The following MAP3K7CL variants were observed in gnomAD, a reference collection of about 807,000 sequenced individuals.
MAP3K7CL encodes MAP3K7 C-terminal-like protein.
MAP3K7CL carries 16 observed loss-of-function variants against 18.6 expected under a neutral mutation model. The observed-to-expected ratio is 0.86, with a 90% CI of 0.58 to 1.31. MAP3K7CL has a LOEUF of 1.31. MAP3K7CL is among the 50% of genes most tolerant of loss of function. The probability of loss-of-function intolerance (pLI) is 0.00; values close to 1 mark genes in which losing one functional copy is unlikely to be tolerated. For missense variants in MAP3K7CL, 163 were observed against 174.4 expected (o/e 0.93, Z 0.37); for synonymous variants, 65 against 66.8 (o/e 0.97, Z 0.13).
chr21:29,137,770 G>C (rs1370521672), intron 2 of MAP3K7CL, among the ~76,000 whole-genome samples: 1 of 152,114 alleles, frequency 6.6e-6, no homozygotes, highest in Non-Finnish European at 1.5e-5. Flanking sequence ...GTACTGTTTA[G>C]ATAGCAATAG....
chr21:29,093,902 G>GA (rs532866749), intron 4 of MAP3K7CL, among the ~76,000 whole-genome samples: 103 of 152,328 alleles, frequency 6.8e-4, no homozygotes, highest in African/African-American at 2.4e-3. Context: ...TGAGAATGAT[G>GA]ATAATTACCC....
intron 4 of MAP3K7CL, chr21:29,109,628 A>G: frequency 1.0e-6 from 1 of 996,690 alleles, no homozygotes; most frequent in Non-Finnish European, 1.2e-6. Context: ...CAGAGTTGAT[A>G]TAGTAATGAT....
rs34749282 is a variant in MAP3K7CL at position 29,100,700 on chromosome 21, C to CTTT, written c.370+8144_370+8146dup. On this transcript the variant is annotated intron_variant, in intron 4 of 6. Coordinates refer to the MAP3K7CL transcript ENST00000286791. ...AACATTAGCAGCTTAAAACAGCAAA[C>CTTT]TTTTTTTTTTTTTTTTTTTTTTTTT... Among the ~76,000 whole-genome samples the CTTT allele has an allele frequency of 3.8e-4, 26 of 68,682 alleles. 1 individual carries two copies. Among genetic ancestry groups the CTTT allele is most frequent in the East Asian group, 1.8e-3 (4 of 2,278 alleles). The allele number at this position is 68,682 out of a possible 152,430, so 45.1% of individuals were successfully genotyped here.
chr21:29,124,949 C>T (rs930345463), intron 4 of MAP3K7CL, among the ~76,000 whole-genome samples: 1 of 151,992 alleles, frequency 6.6e-6, no homozygotes, highest in Non-Finnish European at 1.5e-5. Flanking sequence ...ATCTCCTGGC[C>T]CTCTACAAAA....
chr21:29,157,094 AT>A (rs2087424955), intron 3 of MAP3K7CL, among the ~76,000 whole-genome samples: 1 of 151,952 alleles, frequency 6.6e-6, no homozygotes, highest in East Asian at 1.9e-4. Flanking sequence ...TAATGAAATA[AT>A]TTTTTTTGCA....
At chr21:29,082,737 T>C (rs1239071412), upstream of MAP3K7CL, among the ~76,000 whole-genome samples, 1 of 152,150 alleles carries the variant, frequency 6.6e-6, no homozygotes, top group Non-Finnish European at 1.5e-5. Context: ...TTGAGGACAA[T>C]AGTGCAGTCA....
At chr21:29,105,697 G>A (rs540768347) in intron 4 of MAP3K7CL, among the ~76,000 whole-genome samples, 8 of 152,224 alleles carry the variant, frequency 5.3e-5, no homozygotes, top group South Asian at 2.1e-4. Context: ...CATAAATCTC[G>A]TCTTAGAAGC....
At chr21:29,169,683 G>T (rs1466788776) in intron 4 of MAP3K7CL, among the ~76,000 whole-genome samples, 3 of 152,174 alleles carry the variant, frequency 2.0e-5, no homozygotes, top group African/African-American at 7.2e-5. Flanking sequence ...TCAGCACAGA[G>T]AAATATTTAT....
intron 4 of MAP3K7CL, among the ~76,000 whole-genome samples, chr21:29,106,828 G>A (rs1350514749): frequency 6.6e-6 from 1 of 152,102 alleles, no homozygotes; most frequent in Non-Finnish European, 1.5e-5. Flanking sequence ...CCTACTCTCC[G>A]CCCCTAGCCC....
At chr21:29,144,086 T>C (rs1304048727) in intron 2 of MAP3K7CL, among the ~76,000 whole-genome samples, 1 of 152,176 alleles carries the variant, frequency 6.6e-6, no homozygotes, top group Non-Finnish European at 1.5e-5. Context: ...CATTTTTGAA[T>C]CATCTTCACT....
intron 1 of MAP3K7CL, among the ~76,000 whole-genome samples, chr21:29,090,762 T>C (rs1479071682): frequency 6.6e-6 from 1 of 151,772 alleles, no homozygotes; most frequent in South Asian, 2.1e-4. Flanking sequence ...TTCCTCACTT[T>C]TTTTTTTTTT....
chr21:29,147,407 T>G (rs2087155889), intron 2 of MAP3K7CL, among the ~76,000 whole-genome samples: 1 of 151,964 alleles, frequency 6.6e-6, no homozygotes, highest in African/African-American at 2.4e-5. Context: ...CATATATATG[T>G]GTACAGTATA....
intron 2 of MAP3K7CL, among the ~76,000 whole-genome samples, chr21:29,134,919 C>T (rs550990111): frequency 5.3e-5 from 8 of 152,058 alleles, no homozygotes; most frequent in South Asian, 4.1e-4. Context: ...GGCCTGGTGG[C>T]GGGCGCCTGT....
At chr21:29,144,572 G>A (rs1261908328) in intron 2 of MAP3K7CL, among the ~76,000 whole-genome samples, 3 of 152,212 alleles carry the variant, frequency 2.0e-5, no homozygotes, top group African/African-American at 7.2e-5. Context: ...GCCCAGGGCT[G>A]GGGGACACCC....
At chr21:29,121,120 G>A (rs901111334) in intron 4 of MAP3K7CL, among the ~76,000 whole-genome samples, 5 of 140,872 alleles carry the variant, frequency 3.5e-5, no homozygotes, top group African/African-American at 8.1e-5. Context: ...TCATGAAACC[G>A]TATTGCAGGC....
intron 3 of MAP3K7CL, among the ~76,000 whole-genome samples, chr21:29,091,924 C>T (rs1421242437): frequency 1.3e-5 from 2 of 152,134 alleles, no homozygotes; most frequent in African/African-American, 2.4e-5. Context: ...GTTGTTATCA[C>T]CTTTGTTTTA....
chr21:29,162,823 G>A (rs868704438), intron 4 of MAP3K7CL, among the ~76,000 whole-genome samples: 128 of 152,024 alleles, frequency 8.4e-4, no homozygotes, highest in African/African-American at 2.8e-3. Flanking sequence ...ATGAAAAAAG[G>A]GGCCAGGCGC....
chr21:29,123,644 A>G (rs1462816923), intron 4 of MAP3K7CL, among the ~76,000 whole-genome samples: 1 of 152,242 alleles, frequency 6.6e-6, no homozygotes, highest in Non-Finnish European at 1.5e-5. Flanking sequence ...ATCTTGATTA[A>G]AAATTTAAAA....
chr21:29,105,580 G>A (rs2086306626), intron 4 of MAP3K7CL, among the ~76,000 whole-genome samples: 1 of 152,166 alleles, frequency 6.6e-6, no homozygotes, highest in African/African-American at 2.4e-5. Context: ...GTGGGATGGG[G>A]CAAGAGATTC....
Sources: allele counts gnomAD v4.1 joint callset (sites outside exome capture counted in the v4.1 genomes callset), GRCh38; gene constraint gnomAD v4.1.1; transcripts MANE v1.5; gene names NCBI Gene and HGNC (gene_info 2026-07-23, HGNC 2026-07-21).